GALNT9: variants seen among roughly 807,000 people sequenced by gnomAD.
GALNT9 encodes polypeptide N-acetylgalactosaminyltransferase 9, also known as GalNAc transferase 9.
GALNT9 carries 47 observed loss-of-function variants against 63.1 expected under a neutral mutation model. The ratio of observed to expected loss-of-function variants is 0.75; its 90% CI spans 0.59 to 0.95. The LOEUF is 0.95. Ranked by LOEUF, GALNT9 falls within the 40% of genes least tolerant of loss-of-function variation. The probability of loss-of-function intolerance (pLI) is 0.00; values close to 1 mark genes in which losing one functional copy is unlikely to be tolerated. For synonymous variants in GALNT9, 396 were observed against 365.7 expected (o/e 1.08, Z -0.94); for missense variants, 829 against 874.8 (o/e 0.95, Z 0.66).
chr12:132,328,038 A>G (rs1214965593), intron 1 of GALNT9, among the ~76,000 whole-genome samples: 2 of 152,186 alleles, frequency 1.3e-5, no homozygotes, highest in Non-Finnish European at 2.9e-5. Flanking sequence ...AATCATCGGC[A>G]CGGAACGGAA....
chr12:132,205,102 G>T (rs1314543283), intron 6 of GALNT9, among the ~76,000 whole-genome samples: 1 of 152,124 alleles, frequency 6.6e-6, no homozygotes, highest in Non-Finnish European at 1.5e-5. Context: ...CTGGACTCTG[G>T]TTCATCCTCG....
chr12:132,259,258 T>C (rs1430878749), intron 4 of GALNT9, among the ~76,000 whole-genome samples: 10 of 152,156 alleles, frequency 6.6e-5, no homozygotes, highest in African/African-American at 2.2e-4. Flanking sequence ...CGGTTTAAAA[T>C]TGCATTTTGA....
chr12:132,280,643 G>C (rs1466773724), intron 2 of GALNT9: 1 of 152,350 alleles, frequency 6.6e-6, no homozygotes, highest in Non-Finnish European at 1.5e-5. Flanking sequence ...CTGTGGAAAG[G>C]AGGCGGAGCC....
At chr12:132,218,319 C>T (rs1045580816) in intron 6 of GALNT9, among the ~76,000 whole-genome samples, 5 of 152,142 alleles carry the variant, frequency 3.3e-5, no homozygotes, top group South Asian at 2.1e-4. Context: ...CAGGCTGACG[C>T]GGACGGAAAC....
chr12:132,309,385 C>G (rs28678314), intron 1 of GALNT9, among the ~76,000 whole-genome samples: 121,283 of 151,824 alleles, frequency 0.8, 48,614 homozygotes, highest in East Asian at 1. Flanking sequence ...TAGATGAATG[C>G]AGCAGGATGG....
intron 9 of GALNT9, 52 bp from the exon 10 acceptor site, chr12:132,198,011 A>G (rs2135495045): frequency 6.8e-7 from 1 of 1,470,940 alleles, no homozygotes; most frequent in Non-Finnish European, 9.4e-7. Context: ...GGCTCTCCCC[A>G]GTGAGCACTG....
At chr12:132,211,149 A>G (rs1876942789) in intron 6 of GALNT9, among the ~76,000 whole-genome samples, 1 of 152,076 alleles carries the variant, frequency 6.6e-6, no homozygotes, top group Non-Finnish European at 1.5e-5. Flanking sequence ...CATCCGCCAC[A>G]TTCACCTGAC....
At chr12:132,221,658 C>CAAAAAAAAA (rs761220333) in intron 6 of GALNT9, among the ~76,000 whole-genome samples, 23 of 79,616 alleles carry the variant, frequency 2.9e-4, no homozygotes, top group Admixed American at 4.9e-4. Flanking sequence ...GAGACGTTCT[C>CAAAAAAAAA]AAAAAAAAAA....
In GALNT9 at chr12:132,286,606, C is replaced by T. The variant is rs531987636; in HGVS notation, c.239-176G>A. Reference sequence around the variant, plus strand: ...ACATTCCAGAAAGTGCAAGGCTGTGCGCGGAGTGAGAGGGCGGTGCCAGGC... The same window carrying T: ...ACATTCCAGAAAGTGCAAGGCTGTGTGCGGAGTGAGAGGGCGGTGCCAGGC... On this transcript the variant is annotated intron_variant, in intron 1 of 10. Coordinates refer to ENST00000328957, the MANE Select transcript of GALNT9 (RefSeq NM_001122636.2). The surrounding 1 kb of genome is among the most constrained non-coding windows in gnomAD (Gnocchi z 7.4). 33 of 1,141,114 alleles carry T rather than the reference C, an allele frequency of 2.9e-5. No individual in the cohort carries two copies. The African/African-American group carries it at 3.3e-4, about 11-fold the overall frequency. The allele number at this position is 1,141,114 out of a possible 1,614,324, so 70.7% of individuals were successfully genotyped here. A position where few individuals can be genotyped will look rare whatever the true frequency, so the allele number is the denominator to read the frequency against.
chr12:132,319,597 C>T lies in GALNT9; in HGVS notation c.238+9369G>A, dbSNP rs994950033. 2.0e-5 allele frequency among the ~76,000 whole-genome samples: 3 copies of T among 152,136 alleles called. No homozygotes were observed. Among genetic ancestry groups the T allele is most frequent in the Admixed American group, 6.5e-5 (1 of 15,268 alleles). ...ATCTCCTCTTGGGTCTCTCTCTATCCGCCGGCTCCTTTCCTCGGGAGAGCC... is the reference window on the plus strand; with the variant it reads ...ATCTCCTCTTGGGTCTCTCTCTATCTGCCGGCTCCTTTCCTCGGGAGAGCC... On this transcript the variant is annotated intron_variant, in intron 1 of 10. Transcript: ENST00000328957. The surrounding 1 kb of genome is among the most constrained non-coding windows in gnomAD (Gnocchi z 5.2).
rs189474893 is a variant in GALNT9 at position 132,282,246 on chromosome 12, C to T, written c.419+4004G>A. ...CTGCAGCAAGGCCAGGCCTGGGGTCCCACATCCCACAGAGGGGGAATCAGC... is the reference window on the plus strand; with the variant it reads ...CTGCAGCAAGGCCAGGCCTGGGGTCTCACATCCCACAGAGGGGGAATCAGC... On this transcript the variant is annotated intron_variant, in intron 2 of 10. Coordinates refer to ENST00000328957, the MANE Select transcript of GALNT9 (RefSeq NM_001122636.2). This position sits in a 1 kb window ranked among gnomAD's most constrained non-coding sequence, Gnocchi z 4.5. Among the ~76,000 whole-genome samples the T allele has an allele frequency of 2.0e-5, 3 of 151,862 alleles. No homozygotes were observed. Among genetic ancestry groups the T allele is most frequent in the Admixed American group, 2.0e-4 (3 of 15,272 alleles).
At position 132,329,256 on chromosome 12, in the gene GALNT9, C is replaced by A. The variant is rs1488167209; in HGVS notation, c.-53G>T. 26 of 1,516,512 alleles carry A rather than the reference C, an allele frequency of 1.7e-5. No individual in the cohort carries two copies. The highest frequency in any genetic ancestry group is 2.2e-5 in the Non-Finnish European group (25 of 1,127,370). The allele number at this position is 1,516,512 out of a possible 1,614,324, so 93.9% of individuals were successfully genotyped here. A position where few individuals can be genotyped will look rare whatever the true frequency, so the allele number is the denominator to read the frequency against. On this transcript the variant is annotated 5_prime_UTR_variant, in exon 1 of 11. Coordinates refer to ENST00000328957, the MANE Select transcript of GALNT9 (RefSeq NM_001122636.2). ...CGCGGGGCATCCCCAGCATCCCCGCCCGGGCCTGGGCTTCAGCTTCGGCTT... is the reference window on the plus strand; with the variant it reads ...CGCGGGGCATCCCCAGCATCCCCGCACGGGCCTGGGCTTCAGCTTCGGCTT...
chr12:132,287,595 G>C (rs1880650894), intron 1 of GALNT9, among the ~76,000 whole-genome samples: 1 of 152,168 alleles, frequency 6.6e-6, no homozygotes, highest in Non-Finnish European at 1.5e-5. Context: ...CCGGCGTGAG[G>C]TTCAAGAACA....
At chr12:132,289,882 C>T (rs113711287) in intron 1 of GALNT9, among the ~76,000 whole-genome samples, 13 of 152,322 alleles carry the variant, frequency 8.5e-5, no homozygotes, top group Admixed American at 5.9e-4. Context: ...GAGTCCCCGT[C>T]CCAGGACTGT....
rs1566026953 is a variant in GALNT9, at chr12:132,329,002, C to CACGGTCCTGCACCT, written c.201_202insAGGTGCAGGACCGT (p.Asp68ArgfsTer82). 1 of 1,542,062 alleles carries CACGGTCCTGCACCT rather than the reference C, an allele frequency of 6.5e-7. No homozygotes were observed. The highest frequency in any genetic ancestry group is 1.2e-5 in the South Asian group (1 of 83,764). On this transcript the variant is annotated frameshift_variant, in exon 1 of 11. Transcript: ENST00000328957. LOFTEE classifies it high-confidence loss of function. ...TTGTAGACCACCTCCTCCAGGTGGT[C>CACGGTCCTGCACCT]CAGGCGCTGCAGGATGGCCTCACGG...
At chr12:132,305,806 C>T (rs573764692) in intron 1 of GALNT9, among the ~76,000 whole-genome samples, 13 of 152,310 alleles carry the variant, frequency 8.5e-5, no homozygotes, top group South Asian at 4.1e-4. Flanking sequence ...GTGGAGAGCG[C>T]GGCCCGAGTG....
chr12:132,199,324 G>A (rs1875809947), intron 8 of GALNT9, 55 bp from the exon 9 acceptor site: 1 of 1,288,236 alleles, frequency 7.8e-7, no homozygotes, highest in Non-Finnish European at 1.1e-6. Flanking sequence ...TGCGGCCCCA[G>A]GGAGCTTCAC....
rs1237676784 is a variant in GALNT9, at chr12:132,329,051, G to A, written c.153C>T (p.His51=). 8 of 1,546,514 alleles carry A rather than the reference G, an allele frequency of 5.2e-6. No homozygotes were observed. The highest frequency in any genetic ancestry group is 7.0e-6 in the Non-Finnish European group (8 of 1,146,294). ...GGTCCCCCAGCGTGCCCACCTTGGC[G>A]TGTCGGCTGCGCACCCGGCGGTCGC... ...VSGDRRVRSR[H]AKVGTLGDRE... The change falls in exon 1 of 11, where the codon CAC becomes CAT. Residue 51 remains histidine (H), a synonymous_variant. Coordinates refer to ENST00000328957, the MANE Select transcript of GALNT9 (RefSeq NM_001122636.2).
chr12:132,244,028 G>A (rs1305690016), intron 6 of GALNT9, among the ~76,000 whole-genome samples: 1 of 151,542 alleles, frequency 6.6e-6, no homozygotes, highest in Non-Finnish European at 1.5e-5. Flanking sequence ...GACAGACGGG[G>A]GCAGTGCAAC....
Sources: allele counts gnomAD v4.1 joint callset (sites outside exome capture counted in the v4.1 genomes callset), GRCh38; gene constraint gnomAD v4.1.1; non-coding constraint Gnocchi (gnomAD v3.1); transcripts MANE v1.5; gene names NCBI Gene and HGNC (gene_info 2026-07-23, HGNC 2026-07-21).